The following KLC1 variants were observed in gnomAD, a reference collection of about 807,000 sequenced individuals.
KLC1 encodes the protein kinesin 2 60/70kDa.
A neutral mutation model predicts 84.2 loss-of-function variants in KLC1; 30 were observed. That is an observed-to-expected ratio of 0.36 (90% CI 0.27 to 0.48). The LOEUF (loss-of-function observed/expected upper bound fraction) is 0.48. Among genes scored for constraint, KLC1 ranks in the 20% least tolerant of loss-of-function variants. KLC1 has a pLI of 0.99. For missense variants in KLC1, 499 were observed against 805.4 expected (o/e 0.62, Z 4.60); for synonymous variants, 289 against 293.3 (o/e 0.99, Z 0.15).
At chr14:103,666,239 AT>A (rs1207307533) in intron 5 of KLC1, among the ~76,000 whole-genome samples, 3 of 151,422 alleles carry the variant, frequency 2.0e-5, no homozygotes, top group Non-Finnish European at 4.4e-5. Flanking sequence ...AATTTTTTGT[AT>A]TTTTAGTAGA....
At chr14:103,668,222 T>C (rs953404377) in intron 5 of KLC1, among the ~76,000 whole-genome samples, 1 of 152,244 alleles carries the variant, frequency 6.6e-6, no homozygotes, top group African/African-American at 2.4e-5. Flanking sequence ...GCTCAGACAC[T>C]AGAATTAATT....
intron 13 of KLC1, chr14:103,683,388 C>G (rs569318193): frequency 6.6e-6 from 1 of 152,194 alleles, no homozygotes; most frequent in Non-Finnish European, 1.5e-5. Context: ...CCGCCGTCAC[C>G]GTGAGTCTCA....
chr14:103,697,424 TG>T (rs1402505463), intron 15 of KLC1, among the ~76,000 whole-genome samples: 1 of 151,740 alleles, frequency 6.6e-6, no homozygotes, highest in Admixed American at 6.6e-5. Context: ...GCACATAAGG[TG>T]GGGGGTGACA....
At chr14:103,670,121 A>G in intron 6 of KLC1, 61 bp from the exon 7 acceptor site, 3 of 1,082,728 alleles carry the variant, frequency 2.8e-6, no homozygotes, top group Non-Finnish European at 2.7e-6. Context: ...TATGTGGTGT[A>G]TAAATGTACT....
chr14:103,688,461 T>C (rs939688756), intron 14 of KLC1, among the ~76,000 whole-genome samples: 2 of 152,170 alleles, frequency 1.3e-5, no homozygotes, highest in African/African-American at 4.8e-5. Context: ...TATTTTGTCT[T>C]TTAAAAGCTA....
rs796542722 is a variant in KLC1, at chr14:103,693,539, G to GT, written c.1848+1120dup. ...CTGGTTAAGTGTAATTTTTCTATTTGTTTTTTCATGCAGGAACGAAATAAT... is the reference window on the plus strand; with the variant it reads ...CTGGTTAAGTGTAATTTTTCTATTTGTTTTTTTCATGCAGGAACGAAATAAT... On this transcript the variant is annotated intron_variant, in intron 15 of 16. Transcript: ENST00000334553. This position sits in a 1 kb window ranked among gnomAD's most constrained non-coding sequence, Gnocchi z 5.1. 2.0e-6 allele frequency: 3 copies of GT among 1,535,876 alleles called. No homozygotes were observed. Among genetic ancestry groups the GT allele is most frequent in the South Asian group, 1.2e-5 (1 of 84,060 alleles).
intron 1 of KLC1, among the ~76,000 whole-genome samples, chr14:103,638,837 G>A (rs2077260580): frequency 6.6e-6 from 1 of 151,514 alleles, no homozygotes; most frequent in African/African-American, 2.4e-5. Flanking sequence ...TATGAACATA[G>A]GGGTGTGTGT....
At chr14:103,633,351 C>G (rs1337532095) in intron 1 of KLC1, among the ~76,000 whole-genome samples, 1 of 151,858 alleles carries the variant, frequency 6.6e-6, no homozygotes, top group Non-Finnish European at 1.5e-5. Context: ...GCCACCGCGC[C>G]TGGCCGGAGG....
At chr14:103,654,427 C>A in intron 1 of KLC1, 137 bp from the exon 2 acceptor site, 1 of 621,850 alleles carries the variant, frequency 1.6e-6, no homozygotes, top group Non-Finnish European at 2.6e-6. Flanking sequence ...TATGGTATTT[C>A]AAGGTCATAA....
At chr14:103,641,739 A>T (rs535497641) in intron 1 of KLC1, among the ~76,000 whole-genome samples, 29 of 151,622 alleles carry the variant, frequency 1.9e-4, no homozygotes, top group Middle Eastern at 3.4e-3. Context: ...GGCTCAATTC[A>T]TCCTCCCAAG....
intron 15 of KLC1, chr14:103,696,647 C>T (rs774604193): frequency 3.7e-5 from 36 of 985,318 alleles, no homozygotes; most frequent in African/African-American, 7.0e-5. Context: ...CAGCAGGCTG[C>T]GTGTGCAGCG....
chr14:103,695,435 G>T, intron 15 of KLC1: 1 of 983,800 alleles, frequency 1.0e-6, no homozygotes, highest in Non-Finnish European at 1.2e-6. Flanking sequence ...GGGGTGTAGA[G>T]CAGCTTCCCC....
chr14:103,641,323 T>C (rs2077469433), intron 1 of KLC1, among the ~76,000 whole-genome samples: 1 of 151,716 alleles, frequency 6.6e-6, no homozygotes. Context: ...CCATATCACA[T>C]TTAGTCATCA....
intron 5 of KLC1, among the ~76,000 whole-genome samples, chr14:103,665,227 T>TG (rs1555422407): frequency 2.0e-5 from 3 of 151,972 alleles, no homozygotes; most frequent in African/African-American, 7.3e-5. Flanking sequence ...ATTGATTGAT[T>TG]GGTTGTAGAG....
intron 1 of KLC1, among the ~76,000 whole-genome samples, chr14:103,634,557 A>AGTCGG (rs2076915433): frequency 6.6e-6 from 1 of 152,130 alleles, no homozygotes; most frequent in South Asian, 2.1e-4. Context: ...TCGTTGAGCC[A>AGTCGG]GTCGGGTGTG....
In KLC1 at chr14:103,677,506, A is replaced by T. The variant is rs568689263; in HGVS notation, c.1471A>T (p.Met491Leu). The T allele has an allele frequency of 5.0e-6, 8 of 1,613,344 alleles. No individual in the cohort carries two copies. Among genetic ancestry groups the T allele is most frequent in the Non-Finnish European group, 6.8e-6 (8 of 1,179,282 alleles). Residue 491 changes from methionine to leucine, a missense_variant, in exon 12 of 17, where the codon ATG becomes TTG. Coordinates refer to ENST00000334553, the MANE Select transcript of KLC1 (RefSeq NM_001394837.1). ...TGCAGAAACGTTAGAAGAAGCTGCT[A>T]TGAGGTCTCGTAAACAGGTTAGTCA... Reference protein sequence around the residue: ...EAAETLEEAAMRSRKQGLDNV... With the variant: ...EAAETLEEAALRSRKQGLDNV...
chr14:103,651,055 G>T (rs1595348088), intron 1 of KLC1, among the ~76,000 whole-genome samples: 1 of 151,980 alleles, frequency 6.6e-6, no homozygotes, highest in Non-Finnish European at 1.5e-5. Context: ...TGTCGCCCAG[G>T]CTGGAGTGCA....
chr14:103,680,013 CAA>C (rs1189190731), intron 13 of KLC1, among the ~76,000 whole-genome samples: 1 of 152,198 alleles, frequency 6.6e-6, no homozygotes, highest in Non-Finnish European at 1.5e-5. Flanking sequence ...AGGTCAGAAA[CAA>C]GAGCTTACAT....
chr14:103,636,552 G>C lies in KLC1; in HGVS notation c.-2+7058G>C, dbSNP rs183408750. Among the ~76,000 whole-genome samples, 141 of 151,942 alleles carry C rather than the reference G, an allele frequency of 9.3e-4. 1 individual carries two copies. Among genetic ancestry groups the C allele is most frequent in the Middle Eastern group, 3.4e-3 (1 of 292 alleles). ...TCTTTTTCATCTGAGCCATTCTAGC[G>C]GGGTATAGTGGCATCTTGTTAGTTT... is the stretch of plus-strand genomic sequence containing the variant. On this transcript the variant is annotated intron_variant, in intron 1 of 16. Coordinates refer to ENST00000334553, the MANE Select transcript of KLC1 (RefSeq NM_001394837.1).
Sources: allele counts gnomAD v4.1 joint callset (sites outside exome capture counted in the v4.1 genomes callset), GRCh38; gene constraint gnomAD v4.1.1; non-coding constraint Gnocchi (gnomAD v3.1); transcripts MANE v1.5; gene names NCBI Gene and HGNC (gene_info 2026-07-23, HGNC 2026-07-21).